GALNT13: variants seen among roughly 807,000 people sequenced by gnomAD.
GALNT13 encodes the protein polypeptide N-acetylgalactosaminyltransferase 13, also known as UDP-GalNAc:polypeptide N-acetylgalactosaminyltransferase 13.
Under a neutral mutation model 64.2 loss-of-function variants are expected in GALNT13, and 28 were observed. The observed-to-expected ratio is 0.44, with a 90% CI of 0.32 to 0.60. The LOEUF (loss-of-function observed/expected upper bound fraction) is 0.60, where lower values mean the gene tolerates loss of function less well. Among genes scored for constraint, GALNT13 ranks in the 20% least tolerant of loss-of-function variants. The probability of loss-of-function intolerance (pLI) is 0.05; values close to 1 mark genes in which losing one functional copy is unlikely to be tolerated. For missense variants in GALNT13, 577 were observed against 669.8 expected (o/e 0.86, Z 1.53); for synonymous variants, 214 against 224.6 (o/e 0.95, Z 0.42).
the GALNT13 span, among the ~76,000 whole-genome samples, chr2:153,621,978 A>G: frequency 4.6e-5 from 7 of 152,072 alleles, no homozygotes; most frequent in Non-Finnish European, 1.0e-4. Flanking sequence ...TAGTAAAAAA[A>G]TGTGTAATTC....
the GALNT13 span, among the ~76,000 whole-genome samples, chr2:153,831,719 A>C: frequency 1.3e-5 from 2 of 152,094 alleles, no homozygotes; most frequent in Non-Finnish European, 2.9e-5. Context: ...GTGTTTCTAC[A>C]GTTCTCTTTT....
At chr2:154,336,038 A>G (rs1456159911) in intron 9 of GALNT13, among the ~76,000 whole-genome samples, 1 of 152,094 alleles carries the variant, frequency 6.6e-6, no homozygotes, top group Non-Finnish European at 1.5e-5. Context: ...TATACCTATT[A>G]GGATTAGTGA....
chr2:153,118,939 G>T, the GALNT13 span, among the ~76,000 whole-genome samples: 7 of 152,106 alleles, frequency 4.6e-5, no homozygotes, highest in Admixed American at 4.6e-4. Context: ...GGAGGAACCT[G>T]GTGGGAGGCA....
At chr2:154,456,121 G>C (rs1414252050), downstream of GALNT13, among the ~76,000 whole-genome samples, 1 of 150,310 alleles carries the variant, frequency 6.7e-6, no homozygotes, top group East Asian at 2.0e-4. Context: ...GGGGAAAAAA[G>C]AACTTGATGA....
chr2:154,386,260 T>A (rs1698508763), intron 9 of GALNT13, among the ~76,000 whole-genome samples: 1 of 151,886 alleles, frequency 6.6e-6, no homozygotes, highest in Non-Finnish European at 1.5e-5. Context: ...GGGGTTTATA[T>A]AGCAGGGGAA....
the GALNT13 span, among the ~76,000 whole-genome samples, chr2:153,201,074 G>A: frequency 1.3e-4 from 20 of 151,970 alleles, no homozygotes; most frequent in Admixed American, 1.2e-3. Flanking sequence ...TAATTTCCCC[G>A]GAAATTCCCC....
the GALNT13 span, among the ~76,000 whole-genome samples, chr2:153,365,029 G>T: frequency 6.6e-6 from 1 of 152,078 alleles, no homozygotes; most frequent in African/African-American, 2.4e-5. Flanking sequence ...GCATGGTACT[G>T]GTCCCAAAAC....
chr2:153,187,850 A>G, the GALNT13 span, among the ~76,000 whole-genome samples: 1 of 152,160 alleles, frequency 6.6e-6, no homozygotes, highest in Non-Finnish European at 1.5e-5. Context: ...ATATTAACAT[A>G]CAAAACTTAA....
chr2:153,649,034 A>G, the GALNT13 span, among the ~76,000 whole-genome samples: 1 of 152,104 alleles, frequency 6.6e-6, no homozygotes. Context: ...AGTTTCAGAA[A>G]GAATGGTACC....
intron 2 of GALNT13, among the ~76,000 whole-genome samples, chr2:153,931,001 A>G (rs999017168): frequency 2.7e-5 from 4 of 150,478 alleles, no homozygotes; most frequent in African/African-American, 9.8e-5. Flanking sequence ...TCTTTCAGCA[A>G]TGTTTTGTAA....
intron 3 of GALNT13, among the ~76,000 whole-genome samples, chr2:154,047,066 A>T (rs1699329674): frequency 1.3e-5 from 2 of 152,084 alleles, no homozygotes; most frequent in Non-Finnish European, 2.9e-5. Flanking sequence ...GAGACCTCTG[A>T]TGATTTGATG....
At chr2:153,977,407 G>A (rs1694150454) in intron 3 of GALNT13, among the ~76,000 whole-genome samples, 1 of 152,112 alleles carries the variant, frequency 6.6e-6, no homozygotes, top group Non-Finnish European at 1.5e-5. Flanking sequence ...AGAAAGGGAA[G>A]CAAACACATC....
chr2:153,485,136 T>C, the GALNT13 span, among the ~76,000 whole-genome samples: 1 of 152,356 alleles, frequency 6.6e-6, no homozygotes, highest in East Asian at 1.9e-4. Flanking sequence ...TCCTGCTTTG[T>C]AAACTTTATG....
chr2:153,782,657 G>A, the GALNT13 span, among the ~76,000 whole-genome samples: 1,877 of 152,206 alleles, frequency 0.012, 35 homozygotes, highest in African/African-American at 0.042. Context: ...CAGACAAAGA[G>A]AAGACAATGT....
the GALNT13 span, among the ~76,000 whole-genome samples, chr2:153,429,842 A>G: frequency 2.0e-5 from 3 of 152,114 alleles, no homozygotes; most frequent in Admixed American, 2.0e-4. Flanking sequence ...CCTATTTTTG[A>G]CAAACTATTT....
chr2:154,455,258 AATG>A (rs1340901419), downstream of GALNT13, among the ~76,000 whole-genome samples: 2 of 152,174 alleles, frequency 1.3e-5, no homozygotes, highest in African/African-American at 2.4e-5. Context: ...CCACTTAAGA[AATG>A]ATGATCGTAT....
the GALNT13 span, among the ~76,000 whole-genome samples, chr2:153,414,160 G>T: frequency 6.6e-6 from 1 of 152,016 alleles, no homozygotes; most frequent in Non-Finnish European, 1.5e-5. Context: ...CAGATCACGA[G>T]GTCAGGAGTT....
At chr2:153,521,232 TA>T in the GALNT13 span, among the ~76,000 whole-genome samples, 1 of 152,144 alleles carries the variant, frequency 6.6e-6, no homozygotes, top group African/African-American at 2.4e-5. Context: ...GTTTTCATTC[TA>T]ATTAATTTAC....
the GALNT13 span, among the ~76,000 whole-genome samples, chr2:153,324,562 C>T: frequency 3.1e-3 from 471 of 151,286 alleles, 19 homozygotes; most frequent in East Asian, 0.083. Context: ...GGGCATCCTT[C>T]GTCTTTTGCC....
Sources: allele counts gnomAD v4.1 joint callset (sites outside exome capture counted in the v4.1 genomes callset), GRCh38; gene constraint gnomAD v4.1.1; transcripts MANE v1.5; gene names NCBI Gene and HGNC (gene_info 2026-07-23, HGNC 2026-07-21).